ENTHD1: variants seen among roughly 807,000 people sequenced by gnomAD.
ENTHD1 encodes the protein ENTH domain containing 1, also known as ENTH domain-containing protein 1.
ENTHD1 carries 23 observed loss-of-function variants against 39.1 expected under a neutral mutation model. The observed-to-expected ratio is 0.59, with a 90% CI of 0.42 to 0.83. The LOEUF (loss-of-function observed/expected upper bound fraction) is 0.83. Among genes scored for constraint, ENTHD1 ranks in the 40% least tolerant of loss-of-function variants. The pLI is 0.00. For synonymous variants in ENTHD1, 230 were observed against 258.2 expected (o/e 0.89, Z 1.05); for missense variants, 624 against 705.4 (o/e 0.88, Z 1.31).
Position 39,818,721 on chromosome 22 carries a change from A to G in ENTHD1, c.832+2272T>C, listed in dbSNP as rs116795619. On this transcript the variant is annotated intron_variant, in intron 5 of 6. Transcript: ENST00000325157. ...GACTACTGTAAAGGAAAGATTGCAG[A>G]AATGAATGACTTAAAAATAGAAAAA... 1.0e-2 allele frequency among the ~76,000 whole-genome samples: 1,519 copies of G among 152,356 alleles called. 26 individuals are homozygous for G. Among genetic ancestry groups the G allele is most frequent in the African/African-American group, 0.035 (1,451 of 41,580 alleles).
chr22:39,799,789 G>A (rs1460888906), intron 5 of ENTHD1, among the ~76,000 whole-genome samples: 1 of 152,166 alleles, frequency 6.6e-6, no homozygotes, highest in Non-Finnish European at 1.5e-5. Context: ...CAATGACCTG[G>A]GCAGCATTCG....
At chr22:39,882,268 T>C (rs538883588) in intron 2 of ENTHD1, among the ~76,000 whole-genome samples, 1 of 152,330 alleles carries the variant, frequency 6.6e-6, no homozygotes, top group African/African-American at 2.4e-5. Context: ...GCTTTGATAT[T>C]ATGAATAAAG....
rs930395944 is a variant in ENTHD1 at position 39,848,547 on chromosome 22, C to T, written c.593-12589G>A. On this transcript the variant is annotated intron_variant, in intron 3 of 6. Coordinates refer to ENST00000325157, the MANE Select transcript of ENTHD1 (RefSeq NM_152512.4). ...GATTACAGGCATGAGCCACAGCGCC[C>T]GGCCAACTCTCTGCTTTTAAAGGAC... Among the ~76,000 whole-genome samples, 4 of 152,142 alleles carry T rather than the reference C, an allele frequency of 2.6e-5. No individual in the cohort carries two copies. The East Asian group carries it at 5.8e-4, about 22-fold the overall frequency.
intron 5 of ENTHD1, among the ~76,000 whole-genome samples, chr22:39,803,556 TGAGA>T (rs2065616049): frequency 2.0e-5 from 3 of 152,176 alleles, no homozygotes; most frequent in Non-Finnish European, 4.4e-5. Context: ...TTACAGTGCC[TGAGA>T]GAAACTCATT....
chr22:39,850,753 A>G (rs969471517), intron 3 of ENTHD1, among the ~76,000 whole-genome samples: 2 of 152,192 alleles, frequency 1.3e-5, no homozygotes, highest in African/African-American at 2.4e-5. Flanking sequence ...CAGTCAAAGA[A>G]TATTCATTAC....
intron 2 of ENTHD1, among the ~76,000 whole-genome samples, chr22:39,883,429 C>A (rs148094172): frequency 2.0e-5 from 3 of 151,882 alleles, no homozygotes; most frequent in African/African-American, 7.3e-5. Context: ...TAAAAACACT[C>A]GACAACTAGG....
chr22:39,888,905 G>A (rs1312808458), intron 1 of ENTHD1, among the ~76,000 whole-genome samples: 1 of 152,094 alleles, frequency 6.6e-6, no homozygotes, highest in African/African-American at 2.4e-5. Flanking sequence ...AATTAAAATG[G>A]GGGTAAAATT....
intron 2 of ENTHD1, among the ~76,000 whole-genome samples, chr22:39,880,435 A>T (rs1399437153): frequency 2.6e-5 from 4 of 152,230 alleles, no homozygotes; most frequent in African/African-American, 7.2e-5. Context: ...AACCTATAAA[A>T]TGTACAACAC....
At chr22:39,805,833 T>C (rs2065636236) in intron 5 of ENTHD1, among the ~76,000 whole-genome samples, 1 of 152,188 alleles carries the variant, frequency 6.6e-6, no homozygotes, top group Admixed American at 6.5e-5. Flanking sequence ...TACAGACATA[T>C]AGCTACTCCT....
rs1555940780 is a variant in ENTHD1, at chr22:39,857,471, A to AAAAAAT, written c.592+4293_592+4294insATTTTT. Among the ~76,000 whole-genome samples, 5 of 118,596 alleles carry AAAAAAT rather than the reference A, an allele frequency of 4.2e-5. 1 individual carries two copies. Among genetic ancestry groups the AAAAAAT allele is most frequent in the East Asian group, 2.5e-4 (1 of 3,922 alleles). 77.8% of individuals were successfully genotyped at this position (118,596 alleles called of 152,430 possible). A position where few individuals can be genotyped will look rare whatever the true frequency, so the allele number is the denominator to read the frequency against. On this transcript the variant is annotated intron_variant, in intron 3 of 6. Coordinates refer to ENST00000325157, the MANE Select transcript of ENTHD1 (RefSeq NM_152512.4). ...AAAAAAAAAAAAAAAAAAAAAAAAA[A>AAAAAAT]GCAATCTGTGACTACAAAACAATAA...
intron 2 of ENTHD1, chr22:39,875,589 C>T (rs1315921759): frequency 3.1e-6 from 5 of 1,611,648 alleles, no homozygotes; most frequent in African/African-American, 2.7e-5. Flanking sequence ...TTAGATAGTA[C>T]GAAGTCTTCA....
At chr22:39,781,223 CAAGGGCCGTTGTCCAG>C (rs2065407556) in intron 5 of ENTHD1, among the ~76,000 whole-genome samples, 2 of 152,272 alleles carry the variant, frequency 1.3e-5, no homozygotes, top group Non-Finnish European at 1.5e-5. Flanking sequence ...TTCTTCAGCA[CAAGGGCCGTTGTCCAG>C]AACAAACCAT....
chr22:39,746,716 G>A (rs1267187432), intron 6 of ENTHD1, among the ~76,000 whole-genome samples: 1 of 152,278 alleles, frequency 6.6e-6, no homozygotes, highest in Non-Finnish European at 1.5e-5. Flanking sequence ...AGAGGGTAAA[G>A]GTCTAGCTAC....
intron 5 of ENTHD1, among the ~76,000 whole-genome samples, chr22:39,793,542 A>T (rs1401194352): frequency 6.6e-6 from 1 of 152,098 alleles, no homozygotes; most frequent in Admixed American, 6.5e-5. Flanking sequence ...TGTGCTTTTG[A>T]GGTCTTAGCC....
chr22:39,878,979 A>G (rs928602861), intron 2 of ENTHD1, among the ~76,000 whole-genome samples: 1 of 152,070 alleles, frequency 6.6e-6, no homozygotes, highest in African/African-American at 2.4e-5. Flanking sequence ...TAAAATTAAA[A>G]TTTCTGATCT....
At chr22:39,834,083 CAA>C (rs949884262) in intron 4 of ENTHD1, among the ~76,000 whole-genome samples, 15 of 151,872 alleles carry the variant, frequency 9.9e-5, no homozygotes, top group Admixed American at 2.6e-4. Flanking sequence ...ATTGTTTAGG[CAA>C]AGAGTTCTTA....
intron 2 of ENTHD1, among the ~76,000 whole-genome samples, chr22:39,881,255 A>T (rs2066335906): frequency 6.6e-6 from 1 of 152,242 alleles, no homozygotes; most frequent in African/African-American, 2.4e-5. Context: ...ACTTTAAAGC[A>T]ATGTATCCAA....
intron 1 of ENTHD1, among the ~76,000 whole-genome samples, chr22:39,890,295 C>T: frequency 6.6e-6 from 1 of 151,872 alleles, no homozygotes; most frequent in East Asian, 1.9e-4. Flanking sequence ...TTTTATTTGG[C>T]ACCTTCCTGC....
intron 6 of ENTHD1, among the ~76,000 whole-genome samples, chr22:39,744,591 A>C (rs1427495506): frequency 6.6e-6 from 1 of 152,196 alleles, no homozygotes; most frequent in African/African-American, 2.4e-5. Context: ...TTAATCAGAG[A>C]GAGTAGAAAA....
Sources: allele counts gnomAD v4.1 joint callset (sites outside exome capture counted in the v4.1 genomes callset), GRCh38; gene constraint gnomAD v4.1.1; transcripts MANE v1.5; gene names NCBI Gene and HGNC (gene_info 2026-07-23, HGNC 2026-07-21).